TBCK: variants seen among roughly 807,000 people sequenced by gnomAD.
TBCK encodes TBC1 domain containing kinase.
TBCK carries 99 observed loss-of-function variants against 113.4 expected under a neutral mutation model. The ratio of observed to expected loss-of-function variants is 0.87; its 90% CI spans 0.74 to 1.03. The LOEUF (loss-of-function observed/expected upper bound fraction) is 1.03, where lower values mean the gene tolerates loss of function less well. Ranked by LOEUF, TBCK falls within the 50% of genes least tolerant of loss-of-function variation. The pLI is 0.00. For synonymous variants in TBCK, 369 were observed against 370.8 expected, an observed-to-expected ratio of 1.00 and a Z score of 0.05; for missense variants, 1,045 against 1,061.3, an observed-to-expected ratio of 0.98 and a Z score of 0.21.
At chr4:106,062,050 T>C (rs1459828904) in intron 25 of TBCK, among the ~76,000 whole-genome samples, 1 of 151,876 alleles carries the variant, frequency 6.6e-6, no homozygotes, top group Non-Finnish European at 1.5e-5. Flanking sequence ...CTGAAATTCA[T>C]GATGAACTCC....
intron 23 of TBCK, among the ~76,000 whole-genome samples, 191 bp downstream of exon 23, chr4:106,170,904 C>CT (rs1750910944): frequency 6.6e-6 from 1 of 152,084 alleles, no homozygotes; most frequent in Admixed American, 6.5e-5. Flanking sequence ...TCAAAATAAT[C>CT]TTCCTAACTC....
chr4:106,191,004 T>C (rs1753605484), intron 22 of TBCK, among the ~76,000 whole-genome samples: 1 of 152,144 alleles, frequency 6.6e-6, no homozygotes, highest in Non-Finnish European at 1.5e-5. Context: ...AATAGTCAGC[T>C]CTCTATATCT....
At chr4:106,049,834 C>T (rs1734617837) in intron 25 of TBCK, among the ~76,000 whole-genome samples, 1 of 151,962 alleles carries the variant, frequency 6.6e-6, no homozygotes, top group African/African-American at 2.4e-5. Context: ...TTGTTGCAGA[C>T]TAATAATAAG....
chr4:106,301,329 G>T (rs1766919678), intron 2 of TBCK, among the ~76,000 whole-genome samples: 1 of 151,816 alleles, frequency 6.6e-6, no homozygotes, highest in Admixed American at 6.6e-5. Flanking sequence ...GATTTCACCA[G>T]CAATCATTGA....
At position 106,262,084 on chromosome 4, in the gene TBCK, G is replaced by A; in HGVS notation, c.381+14C>T. 2.1e-6 allele frequency: 3 copies of A among 1,424,450 alleles called. No homozygotes were observed. The highest frequency in any genetic ancestry group is 2.9e-6 in the Non-Finnish European group (3 of 1,043,786). The allele number at this position is 1,424,450 out of a possible 1,614,324, so 88.2% of individuals were successfully genotyped here. On this transcript the variant is annotated intron_variant, in intron 4 of 25. Transcript: ENST00000394708. ...AATGATATATAAATATTTATTACAT[G>A]ATTTAACAATTACCTTTCGGTCCAA...
intron 21 of TBCK, among the ~76,000 whole-genome samples, 159 bp downstream of exon 21, chr4:106,194,559 A>G (rs1560798490): frequency 6.6e-6 from 1 of 152,024 alleles, no homozygotes; most frequent in East Asian, 1.9e-4. Context: ...AGGGATCAGA[A>G]CAACTGAAAT....
chr4:106,085,826 T>C (rs568659295), intron 25 of TBCK, among the ~76,000 whole-genome samples: 2 of 152,266 alleles, frequency 1.3e-5, no homozygotes, highest in South Asian at 4.1e-4. Flanking sequence ...TTCATGGAAA[T>C]TGAACAACCT....
chr4:106,237,289 C>G (rs1356596594), intron 12 of TBCK, among the ~76,000 whole-genome samples: 2 of 152,062 alleles, frequency 1.3e-5, no homozygotes, highest in Admixed American at 1.3e-4. Context: ...TCACATCATA[C>G]TTTGAACATG....
At chr4:106,307,875 T>C (rs1183014350) in intron 2 of TBCK, among the ~76,000 whole-genome samples, 15 of 152,174 alleles carry the variant, frequency 9.9e-5, no homozygotes, top group African/African-American at 3.6e-4. Flanking sequence ...AACATCTTCC[T>C]CAAACACTGA....
At chr4:106,219,573 A>G (rs1160756699) in intron 19 of TBCK, among the ~76,000 whole-genome samples, 1 of 152,084 alleles carries the variant, frequency 6.6e-6, no homozygotes, top group Non-Finnish European at 1.5e-5. Context: ...TTCCAAAGTT[A>G]CTATTCTTGC....
intron 23 of TBCK, among the ~76,000 whole-genome samples, chr4:106,140,855 A>G (rs2149651224): frequency 7.1e-6 from 1 of 140,224 alleles, no homozygotes; most frequent in East Asian, 2.0e-4. Context: ...TTCTGATAGG[A>G]TCAAGGCCCT....
At chr4:106,284,638 C>G (rs1017718102) in intron 3 of TBCK, among the ~76,000 whole-genome samples, 1 of 152,134 alleles carries the variant, frequency 6.6e-6, no homozygotes, top group African/African-American at 2.4e-5. Context: ...AACTCTATTA[C>G]AAGTGCCAAA....
Position 106,206,002 on chromosome 4 carries a change from A to G in TBCK, c.1860+6748T>C, listed in dbSNP as rs116272632. Reference sequence around the variant, plus strand: ...AATATGTTACTTTGGTTAACATGCAATGGTTTTGTTATTGTTATTTTTAAA... The same window carrying G: ...AATATGTTACTTTGGTTAACATGCAGTGGTTTTGTTATTGTTATTTTTAAA... On this transcript the variant is annotated intron_variant, in intron 20 of 25. Coordinates refer to ENST00000394708, the MANE Select transcript of TBCK (RefSeq NM_001163435.3). 5.5e-3 allele frequency among the ~76,000 whole-genome samples: 844 copies of G among 152,234 alleles called. 10 individuals carry two copies. Among genetic ancestry groups the G allele is most frequent in the African/African-American group, 0.019 (790 of 41,558 alleles).
In TBCK at chr4:106,045,373, T is replaced by C. The variant is rs1451513027; in HGVS notation, c.*1197A>G. 1 of 152,164 alleles carries C rather than the reference T, an allele frequency of 6.6e-6. No individual in the cohort carries two copies. The highest frequency in any genetic ancestry group is 2.4e-5 in the African/African-American group (1 of 41,430). 9.4% of individuals were successfully genotyped at this position (152,164 alleles called of 1,614,324 possible). A position where few individuals can be genotyped will look rare whatever the true frequency, so the allele number is the denominator to read the frequency against. ...CATTTTTTCTTTGTGGTACCTAAAATTGTGAGATGTCTTAGATTTAATGAA... is the reference window on the plus strand; with the variant it reads ...CATTTTTTCTTTGTGGTACCTAAAACTGTGAGATGTCTTAGATTTAATGAA... On this transcript the variant is annotated 3_prime_UTR_variant, in exon 26 of 26. Coordinates refer to ENST00000394708, the MANE Select transcript of TBCK (RefSeq NM_001163435.3).
chr4:106,202,955 A>G (rs1579224558), intron 20 of TBCK, among the ~76,000 whole-genome samples: 1 of 152,094 alleles, frequency 6.6e-6, no homozygotes, highest in Non-Finnish European at 1.5e-5. Flanking sequence ...CTATAAGTGT[A>G]TGTGTTTGCA....
intron 25 of TBCK, among the ~76,000 whole-genome samples, chr4:106,049,179 C>T (rs1734534967): frequency 6.6e-6 from 1 of 152,032 alleles, no homozygotes; most frequent in South Asian, 2.1e-4. Context: ...ATTCATTTAT[C>T]AAACATTTCA....
chr4:106,066,201 A>G (rs1736615914), intron 25 of TBCK, among the ~76,000 whole-genome samples: 1 of 152,030 alleles, frequency 6.6e-6, no homozygotes, highest in East Asian at 1.9e-4. Context: ...ACATCTGGTC[A>G]CTGTATAGTA....
At chr4:106,242,881 G>C (rs1435345229) in intron 11 of TBCK, among the ~76,000 whole-genome samples, 1 of 102,750 alleles carries the variant, frequency 9.7e-6, no homozygotes, top group African/African-American at 4.1e-5. Context: ...CCCCACAACA[G>C]TCCCCAGAGT....
intron 25 of TBCK, among the ~76,000 whole-genome samples, chr4:106,067,630 T>A (rs1221313252): frequency 6.6e-6 from 1 of 152,210 alleles, no homozygotes; most frequent in African/African-American, 2.4e-5. Flanking sequence ...AGTTGTAGAT[T>A]GTAAATTTAG....
Sources: gnomAD v4.1 joint callset for allele counts (sites outside exome capture counted in the v4.1 genomes callset) on GRCh38, gnomAD v4.1.1 for gene constraint, MANE v1.5 for transcripts, NCBI Gene and HGNC (gene_info 2026-07-23, HGNC 2026-07-21) for gene names.